The following IPO7 variants were observed in gnomAD, a reference collection of about 807,000 sequenced individuals.
IPO7 encodes the protein importin 7.
Under a neutral mutation model 136.4 loss-of-function variants are expected in IPO7, and 13 were observed. That is an observed-to-expected ratio of 0.10 (90% CI 0.06 to 0.15). The LOEUF is 0.15. Among genes scored for constraint, IPO7 ranks in the 10% least tolerant of loss-of-function variants. The pLI is 1.00. For missense variants in IPO7, 857 were observed against 1,240.6 expected (o/e 0.69, Z 4.65); for synonymous variants, 403 against 404.4 (o/e 1.00, Z 0.04).
intron 12 of IPO7, among the ~76,000 whole-genome samples, chr11:9,427,320 G>T (rs1304429139): frequency 6.6e-6 from 1 of 152,044 alleles, no homozygotes; most frequent in Non-Finnish European, 1.5e-5. Flanking sequence ...GAGTGCAGTG[G>T]CGTGATCTCT....
intron 1 of IPO7, among the ~76,000 whole-genome samples, chr11:9,391,994 C>G (rs1010985086): frequency 2.6e-5 from 4 of 151,972 alleles, no homozygotes; most frequent in Admixed American, 2.0e-4. Context: ...CTCCCAAGTG[C>G]TAGAATTACA....
At chr11:9,441,582 T>G (rs1855460325) in intron 23 of IPO7, among the ~76,000 whole-genome samples, 1 of 152,226 alleles carries the variant, frequency 6.6e-6, no homozygotes, top group Non-Finnish European at 1.5e-5. Context: ...AAGTGCTGGT[T>G]TCTGAGCTAC....
chr11:9,387,199 T>C (rs150049770), intron 1 of IPO7, among the ~76,000 whole-genome samples: 7 of 152,330 alleles, frequency 4.6e-5, no homozygotes, highest in African/African-American at 1.7e-4. Flanking sequence ...TTTTGGTTCA[T>C]TTAGAACCAA....
At chr11:9,431,881 A>G (rs1372605325) in intron 16 of IPO7, among the ~76,000 whole-genome samples, 1 of 152,142 alleles carries the variant, frequency 6.6e-6, no homozygotes, top group Non-Finnish European at 1.5e-5. Flanking sequence ...AGGCTGAGGC[A>G]GGAGAATCAC....
intron 1 of IPO7, among the ~76,000 whole-genome samples, chr11:9,387,043 G>A (rs1854560895): frequency 2.0e-5 from 3 of 152,002 alleles, no homozygotes; most frequent in African/African-American, 7.3e-5. Context: ...ACTTTCTTGT[G>A]GCAGAACATT....
chr11:9,423,710 TA>T, intron 9 of IPO7, 66 bp from the exon 10 acceptor site: 1 of 1,007,578 alleles, frequency 9.9e-7, no homozygotes, highest in Non-Finnish European at 1.5e-6. Context: ...TTTTAATACT[TA>T]AAGGAAATTT....
intron 22 of IPO7, 39 bp downstream of exon 22, chr11:9,438,324 C>T (rs753647777): frequency 7.8e-7 from 1 of 1,280,730 alleles, no homozygotes; most frequent in Non-Finnish European, 1.1e-6. Flanking sequence ...AACTTATCTA[C>T]TTAGAAATAT....
chr11:9,435,082 A>T (rs926426580), intron 19 of IPO7, 51 bp downstream of exon 19: 1 of 1,121,790 alleles, frequency 8.9e-7, no homozygotes, highest in Non-Finnish European at 1.3e-6. Context: ...TATAAAATGT[A>T]TGAAATTGTG....
chr11:9,430,716 T>C, intron 15 of IPO7, 159 bp from the exon 16 acceptor site: 3 of 631,942 alleles, frequency 4.7e-6, no homozygotes, highest in Non-Finnish European at 8.0e-6. Context: ...GCAGACTATT[T>C]GATTATAGAG....
chr11:9,402,990 C>G (rs1240948550), intron 1 of IPO7: 2 of 298,382 alleles, frequency 6.7e-6, no homozygotes, highest in Non-Finnish European at 1.3e-5. Flanking sequence ...TCACTGCACT[C>G]CAGCCTGGGC....
At chr11:9,423,930 G>A (rs1855168629) in intron 10 of IPO7, 54 bp downstream of exon 10, 2 of 1,035,952 alleles carry the variant, frequency 1.9e-6, no homozygotes, top group African/African-American at 1.6e-5. Context: ...TAAGATTACA[G>A]TGATTGCATG....
Position 9,420,593 on chromosome 11 carries a change from G to A in IPO7, c.822-21G>A, listed in dbSNP as rs1471000842. The A allele has an allele frequency of 1.9e-6, 3 of 1,586,114 alleles. No individual in the cohort carries two copies. In the African/African-American group the frequency reaches 4.0e-5, roughly 21 times the overall value. On this transcript the variant is annotated intron_variant, in intron 7 of 24. Transcript: ENST00000379719. ...CATAAAGCATTATAAAGAAACAATG[G>A]GCATTTTGATGTTCTTTTAGATATG...
chr11:9,408,839 G>T (rs112037179), intron 3 of IPO7, among the ~76,000 whole-genome samples, 200 bp downstream of exon 3: 1 of 147,998 alleles, frequency 6.8e-6, no homozygotes, highest in Non-Finnish European at 1.5e-5. Context: ...TCAGCTCCAC[G>T]AGTAGCTGGG....
intron 22 of IPO7, among the ~76,000 whole-genome samples, chr11:9,438,619 C>T (rs1855416742): frequency 6.6e-6 from 1 of 151,800 alleles, no homozygotes; most frequent in Admixed American, 6.6e-5. Flanking sequence ...AACGAGACTC[C>T]ATCTCAGATT....
chr11:9,431,607 G>A (rs1228077990), intron 16 of IPO7, among the ~76,000 whole-genome samples: 1 of 152,060 alleles, frequency 6.6e-6, no homozygotes, highest in Non-Finnish European at 1.5e-5. Flanking sequence ...AGGTGATTAA[G>A]AAGTTTTGGT....
chr11:9,415,838 AAAAAAAAAGAAAAAAAG>A (rs1308157851), intron 5 of IPO7, among the ~76,000 whole-genome samples: 4 of 151,386 alleles, frequency 2.6e-5, no homozygotes, highest in Admixed American at 2.6e-4. Flanking sequence ...ACTCCGTCCC[AAAAAAAAAGAAAAAAAG>A]AAAAAAAAGA....
At chr11:9,439,294 T>G (rs1054006607) in intron 22 of IPO7, among the ~76,000 whole-genome samples, 25 of 152,124 alleles carry the variant, frequency 1.6e-4, no homozygotes, top group African/African-American at 5.8e-4. Context: ...TTTTGTATTT[T>G]TAGTAGAGAC....
At chr11:9,440,403 G>A (rs376504921) in intron 22 of IPO7, 52 bp from the exon 23 acceptor site, 4 of 1,404,114 alleles carry the variant, frequency 2.8e-6, no homozygotes, top group Non-Finnish European at 4.0e-6. Context: ...TCAATTTGTT[G>A]AGTAACAAAA....
At position 9,423,023 on chromosome 11, in the gene IPO7, A is replaced by C. The variant is rs375828420; in HGVS notation, c.924A>C (p.Leu308Phe). 9 of 1,573,326 alleles carry C rather than the reference A, an allele frequency of 5.7e-6. No individual in the cohort carries two copies. Residue 308 changes from leucine (L) to phenylalanine (F), a missense_variant, in exon 9 of 25, where the codon TTA (leucine) becomes TTC (phenylalanine). Transcript: ENST00000379719. ...TTTCCAAGGTTTTATTGAAGGTGTT[A>C]TATCAGTACAAGGAGAAGCAATATA... The part of the protein sequence containing the change: ...VGVQQVLLKV[L>F]YQYKEKQYMA...
Sources: gnomAD v4.1 joint callset for allele counts (sites outside exome capture counted in the v4.1 genomes callset) on GRCh38, gnomAD v4.1.1 for gene constraint, MANE v1.5 for transcripts, NCBI Gene and HGNC (gene_info 2026-07-23, HGNC 2026-07-21) for gene names.